PLXNB1: variants seen among roughly 807,000 people sequenced by gnomAD.
The protein encoded by PLXNB1 is plexin-B1.
Under a neutral mutation model 209.4 loss-of-function variants are expected in PLXNB1, and 106 were observed. That is an observed-to-expected ratio of 0.51 (90% CI 0.43 to 0.59). PLXNB1 has a LOEUF of 0.59. Ranked by LOEUF, PLXNB1 falls within the 20% of genes least tolerant of loss-of-function variation. The pLI, the probability that PLXNB1 is intolerant of heterozygous loss-of-function variation, is 0.00. For missense variants in PLXNB1, 2,357 were observed against 2,853.2 expected, an observed-to-expected ratio of 0.83 and a Z score of 3.96; for synonymous variants, 1,167 against 1,183.2, an observed-to-expected ratio of 0.99 and a Z score of 0.28.
rs2038296942 is a variant in PLXNB1, at chr3:48,418,919, G to A, written c.2953C>T (p.Gln985Ter). Reference sequence around the variant, plus strand: ...ACCCAGGCGCTCATGGTGTGCACCTGGTGCTGCTGGCAGGTGACATGGCAC... The same window carrying A: ...ACCCAGGCGCTCATGGTGTGCACCTAGTGCTGCTGGCAGGTGACATGGCAC... ...TQCHVTCQQH[Q>*]LSYEALQPEL... Residue 985 changes from glutamine to a stop codon, truncating the protein, a stop_gained and splice_region_variant, in exon 13 of 38, where the codon CAG (glutamine) becomes TAG (stop). Coordinates refer to ENST00000296440, the MANE Select transcript of PLXNB1 (RefSeq NM_001130082.3). LOFTEE classifies it high-confidence loss of function. The surrounding 1 kb of genome is among the most constrained non-coding windows in gnomAD (Gnocchi z 6.6). The A allele has an allele frequency of 6.2e-7, 1 of 1,613,988 alleles. No individual in the cohort carries two copies. The highest frequency in any genetic ancestry group is 8.5e-7 in the Non-Finnish European group (1 of 1,180,008).
Position 48,418,810 on chromosome 3 carries a change from C to A in PLXNB1, c.2955+107G>T, listed in dbSNP as rs570321607. On this transcript the variant is annotated intron_variant, in intron 13 of 37. Coordinates refer to ENST00000296440, the MANE Select transcript of PLXNB1 (RefSeq NM_001130082.3). The surrounding 1 kb of genome is among the most constrained non-coding windows in gnomAD (Gnocchi z 6.6). The stretch of plus-strand genomic sequence containing the variant: ...GTGTGGAGACTCCCTCAGGGCGACA[C>A]GGTCAGAGCGTGGCTCTGGAAAGTG... The A allele has an allele frequency of 2.1e-6, 3 of 1,404,888 alleles. No homozygotes were observed. Among genetic ancestry groups the A allele is most frequent in the Non-Finnish European group, 3.0e-6 (3 of 1,009,184 alleles). 87.0% of individuals were successfully genotyped at this position (1,404,888 alleles called of 1,614,324 possible).
chr3:48,421,949 C>T (rs1211284352), intron 6 of PLXNB1, 143 bp from the exon 7 acceptor site: 17 of 1,362,366 alleles, frequency 1.2e-5, no homozygotes, highest in Admixed American at 2.2e-5. Flanking sequence ...TGGCAGGGCA[C>T]TGATGCCCAG....
chr3:48,411,606 C>T lies in PLXNB1; in HGVS notation c.5247+257G>A, dbSNP rs1157358351. Among the ~76,000 whole-genome samples, 5 of 152,180 alleles carry T rather than the reference C, an allele frequency of 3.3e-5. No individual in the cohort carries two copies. Among genetic ancestry groups the T allele is most frequent in the Non-Finnish European group, 7.4e-5 (5 of 68,018 alleles). On this transcript the variant is annotated intron_variant, in intron 28 of 37. Coordinates refer to ENST00000296440, the MANE Select transcript of PLXNB1 (RefSeq NM_001130082.3). This position sits in a 1 kb window ranked among gnomAD's most constrained non-coding sequence, Gnocchi z 4.0. ...TGGTCTAAGGTAGGGCTGGCTTCTCCCAAACCCTGGTTGTGGCTACCCTAG... is the reference window on the plus strand; with the variant it reads ...TGGTCTAAGGTAGGGCTGGCTTCTCTCAAACCCTGGTTGTGGCTACCCTAG...
chr3:48,422,703 G>T (rs779709265), intron 4 of PLXNB1, 62 bp downstream of exon 4: 11 of 1,540,212 alleles, frequency 7.1e-6, no homozygotes, highest in Non-Finnish European at 9.7e-6. Context: ...ACCAGGCTGG[G>T]TCCCTAGCAA....
Position 48,423,816 on chromosome 3 carries a change from G to A in PLXNB1, c.796C>T (p.Leu266=), listed in dbSNP as rs1259932761. Residue 266 remains leucine, a synonymous_variant, in exon 3 of 38, where the codon CTG becomes TTG. Coordinates refer to ENST00000296440, the MANE Select transcript of PLXNB1 (RefSeq NM_001130082.3). ...CCGTAGCGGCCACCTTCGCAGGCCA[G>A]AGGCAACTCCACATAGGAGTAGTAG... ...QHYYSYVELP[L]ACEGGRYGLI... is the part of the protein sequence containing the mutation. The A allele has an allele frequency of 1.2e-6, 2 of 1,614,020 alleles. No individual in the cohort carries two copies. The highest frequency in any genetic ancestry group is 1.7e-6 in the Non-Finnish European group (2 of 1,180,006).
Position 48,406,524 on chromosome 3 carries a change from C to T in PLXNB1, c.6228+299G>A, listed in dbSNP as rs761239453. On this transcript the variant is annotated intron_variant, in intron 36 of 37. Coordinates refer to ENST00000296440, the MANE Select transcript of PLXNB1 (RefSeq NM_001130082.3). The surrounding 1 kb of genome is among the most constrained non-coding windows in gnomAD (Gnocchi z 4.4). Reference sequence around the variant, plus strand: ...AGGGAAGCACAGCAGTGGGAAGACGCATGCAGGCAGACCCAGGCAGGCCTG... The same window carrying T: ...AGGGAAGCACAGCAGTGGGAAGACGTATGCAGGCAGACCCAGGCAGGCCTG... The T allele has an allele frequency of 2.5e-5, 24 of 969,382 alleles. No homozygotes were observed. Among genetic ancestry groups the T allele is most frequent in the Non-Finnish European group, 2.9e-5 (24 of 815,522 alleles). 60.0% of individuals were successfully genotyped at this position (969,382 alleles called of 1,614,324 possible). A position where few individuals can be genotyped will look rare whatever the true frequency, so the allele number is the denominator to read the frequency against.
In PLXNB1 at chr3:48,413,785, G is replaced by A. The variant is rs1575389058; in HGVS notation, c.4420C>T (p.His1474Tyr). 4.3e-6 allele frequency: 7 copies of A among 1,613,770 alleles called. No individual in the cohort carries two copies. Among genetic ancestry groups the A allele is most frequent in the Non-Finnish European group, 5.9e-6 (7 of 1,179,932 alleles). Residue 1474 changes from histidine to tyrosine, a missense_variant, in exon 23 of 38, where the codon CAC becomes TAC. Physicochemically the swap from His to Tyr is moderately conservative, Grantham distance 83. This residue lies in a region of PLXNB1 where 743 missense variants were observed against 896.2 expected (regional missense o/e 0.83). Transcript: ENST00000296440. This position sits in a 1 kb window ranked among gnomAD's most constrained non-coding sequence, Gnocchi z 5.4. ...QMGNLRFSLG[H>Y]VQYDGESPGA... ...GGGCTCTCGCCGTCATACTGCACGT[G>A]ACCCAGGGAGAAGCGCAAGTTCCCC...
rs1186214561 is a variant in PLXNB1, at chr3:48,413,357, C to T, written c.4536-188G>A. 5 of 618,574 alleles carry T rather than the reference C, an allele frequency of 8.1e-6. No homozygotes were observed. Among genetic ancestry groups the T allele is most frequent in the Middle Eastern group, 4.2e-4 (1 of 2,384 alleles). The allele number at this position is 618,574 out of a possible 1,614,324, so 38.3% of individuals were successfully genotyped here. A position where few individuals can be genotyped will look rare whatever the true frequency, so the allele number is the denominator to read the frequency against. Reference sequence around the variant, plus strand: ...AAGCAAGTCACACACACCCATGCCCCGTCTAGCCCAGCACAGTTTAGCCTA... The same window carrying T: ...AAGCAAGTCACACACACCCATGCCCTGTCTAGCCCAGCACAGTTTAGCCTA... On this transcript the variant is annotated intron_variant, in intron 23 of 37. Transcript: ENST00000296440. The surrounding 1 kb of genome is among the most constrained non-coding windows in gnomAD (Gnocchi z 5.4).
Position 48,415,791 on chromosome 3 carries a change from C to A in PLXNB1, c.3618-32G>T. ...GGGGAGGTGGGAATGAATGCAGGGG[C>A]GCAGGCAGGGAAAACTTGGACCACT... is the stretch of plus-strand genomic sequence containing the variant. On this transcript the variant is annotated intron_variant, in intron 18 of 37. Transcript: ENST00000296440. This position sits in a 1 kb window ranked among gnomAD's most constrained non-coding sequence, Gnocchi z 5.0. The A allele has an allele frequency of 6.6e-7, 1 of 1,526,284 alleles. No individual in the cohort carries two copies. Among genetic ancestry groups the A allele is most frequent in the Non-Finnish European group, 8.8e-7 (1 of 1,130,034 alleles). 94.5% of individuals were successfully genotyped at this position (1,526,284 alleles called of 1,614,324 possible).
At chr3:48,420,445 G>A (rs1019948481) in intron 10 of PLXNB1, among the ~76,000 whole-genome samples, 188 bp from the exon 11 acceptor site, 1 of 152,158 alleles carries the variant, frequency 6.6e-6, no homozygotes, top group Non-Finnish European at 1.5e-5. Context: ...CCGAGGTGGG[G>A]CATGAAGGCC....
chr3:48,408,038 G>A (rs1380610850), intron 34 of PLXNB1, among the ~76,000 whole-genome samples: 1 of 152,136 alleles, frequency 6.6e-6, no homozygotes, highest in Non-Finnish European at 1.5e-5. Context: ...ACAGGGTCTC[G>A]CTCTGTTACC....
rs545678060 is a variant in PLXNB1 at position 48,405,606 on chromosome 3, C to G, written c.6303+118G>C. 1.4e-5 allele frequency: 11 copies of G among 771,352 alleles called. No individual in the cohort carries two copies. The highest frequency in any genetic ancestry group is 6.4e-5 in the South Asian group (4 of 62,542). The allele number at this position is 771,352 out of a possible 1,614,324, so 47.8% of individuals were successfully genotyped here. A position where few individuals can be genotyped will look rare whatever the true frequency, so the allele number is the denominator to read the frequency against. On this transcript the variant is annotated intron_variant, in intron 37 of 37. Transcript: ENST00000296440. This position sits in a 1 kb window ranked among gnomAD's most constrained non-coding sequence, Gnocchi z 5.0. ...CAAGCCACCAAGGGGCCCGGCCCCCCACTACTCTGTCCCTGGGGAAGACCA... is the reference window on the plus strand; with the variant it reads ...CAAGCCACCAAGGGGCCCGGCCCCCGACTACTCTGTCCCTGGGGAAGACCA...
chr3:48,411,789 C>T lies in PLXNB1; in HGVS notation c.5247+74G>A. ...CACATCAGAAGCTGGTGTCCAGACC[C>T]CACACACCCACACACTCTCCACCCT... is the stretch of plus-strand genomic sequence containing the variant. On this transcript the variant is annotated intron_variant, in intron 28 of 37. Coordinates refer to ENST00000296440, the MANE Select transcript of PLXNB1 (RefSeq NM_001130082.3). This position sits in a 1 kb window ranked among gnomAD's most constrained non-coding sequence, Gnocchi z 4.0. The T allele has an allele frequency of 1.3e-6, 2 of 1,530,622 alleles. No homozygotes were observed. Among genetic ancestry groups the T allele is most frequent in the South Asian group, 2.4e-5 (2 of 81,656 alleles). The allele number at this position is 1,530,622 out of a possible 1,614,324, so 94.8% of individuals were successfully genotyped here. A position where few individuals can be genotyped will look rare whatever the true frequency, so the allele number is the denominator to read the frequency against.
Position 48,413,241 on chromosome 3 carries a change from A to C in PLXNB1, c.4536-72T>G. On this transcript the variant is annotated intron_variant, in intron 23 of 37. Coordinates refer to ENST00000296440, the MANE Select transcript of PLXNB1 (RefSeq NM_001130082.3). This position sits in a 1 kb window ranked among gnomAD's most constrained non-coding sequence, Gnocchi z 5.4. ...CGCCCAGGCCTGCCTGACAATCCCC[A>C]GGCACACCCCGGCCTCATCCAGCAC... is the stretch of plus-strand genomic sequence containing the variant. 8.3e-7 allele frequency: 1 copy of C among 1,201,938 alleles called. No homozygotes were observed. The highest frequency in any genetic ancestry group is 1.2e-6 in the Non-Finnish European group (1 of 817,686). 74.5% of individuals were successfully genotyped at this position (1,201,938 alleles called of 1,614,324 possible). A position where few individuals can be genotyped will look rare whatever the true frequency, so the allele number is the denominator to read the frequency against.
Position 48,411,853 on chromosome 3 carries a change from A to G in PLXNB1, c.5247+10T>C, listed in dbSNP as rs766477144. The stretch of plus-strand genomic sequence containing the variant: ...CTCAGACTGCAGGCCACACACTTGC[A>G]CACCCTCACCAGGGGACGGTACTCC... On this transcript the variant is annotated intron_variant, in intron 28 of 37. Coordinates refer to ENST00000296440, the MANE Select transcript of PLXNB1 (RefSeq NM_001130082.3). The surrounding 1 kb of genome is among the most constrained non-coding windows in gnomAD (Gnocchi z 4.0). The G allele has an allele frequency of 6.2e-7, 1 of 1,613,310 alleles. No homozygotes were observed. The highest frequency in any genetic ancestry group is 8.5e-7 in the Non-Finnish European group (1 of 1,179,656).
intron 6 of PLXNB1, 46 bp from the exon 7 acceptor site, chr3:48,421,852 G>A: frequency 6.4e-7 from 1 of 1,574,768 alleles, no homozygotes; most frequent in Non-Finnish European, 8.7e-7. Flanking sequence ...ATGGGCCACT[G>A]GGAGTTCATA....
chr3:48,418,546 G>C lies in PLXNB1; in HGVS notation c.2956-4C>G, dbSNP rs764633965. ...GCTGCAGAGCCTCATAGCTGAGCTG[G>C]AGAAATGGGAGTGGGTTCAGAGTCA... On this transcript the variant is annotated splice_polypyrimidine_tract_variant and splice_region_variant and intron_variant, in intron 13 of 37. Transcript: ENST00000296440. The surrounding 1 kb of genome is among the most constrained non-coding windows in gnomAD (Gnocchi z 6.6). The C allele has an allele frequency of 3.2e-6, 5 of 1,586,782 alleles. No individual in the cohort carries two copies. The highest frequency in any genetic ancestry group is 4.3e-6 in the Non-Finnish European group (5 of 1,167,120).
chr3:48,406,065 T>G lies in PLXNB1; in HGVS notation c.6229-267A>C. On this transcript the variant is annotated intron_variant, in intron 36 of 37. Coordinates refer to ENST00000296440, the MANE Select transcript of PLXNB1 (RefSeq NM_001130082.3). The surrounding 1 kb of genome is among the most constrained non-coding windows in gnomAD (Gnocchi z 4.4). ...TACCTGCTTCAGCAAGGTCTGGGGT[T>G]TCCACTGAAGCCCTGCCTCTCTCAC... is the stretch of plus-strand genomic sequence containing the variant. 2.5e-6 allele frequency: 1 copy of G among 397,394 alleles called. No individual in the cohort carries two copies. The highest frequency in any genetic ancestry group is 4.7e-6 in the Non-Finnish European group (1 of 210,596). 24.6% of individuals were successfully genotyped at this position (397,394 alleles called of 1,614,324 possible).
rs1479142126 is a variant in PLXNB1 at position 48,417,524 on chromosome 3, C to T, written c.3374+387G>A. Among the ~76,000 whole-genome samples the T allele has an allele frequency of 6.6e-6, 1 of 152,198 alleles. No homozygotes were observed. Among genetic ancestry groups the T allele is most frequent in the Non-Finnish European group, 1.5e-5 (1 of 68,024 alleles). ...TACCTTCCTGAAGAGCCTGGCAGCC[C>T]AGGACAATGCCTGGGGAAGAGTGAG... On this transcript the variant is annotated intron_variant, in intron 16 of 37. Transcript: ENST00000296440. The surrounding 1 kb of genome is among the most constrained non-coding windows in gnomAD (Gnocchi z 4.4).
Sources: gnomAD v4.1 joint callset for allele counts (sites outside exome capture counted in the v4.1 genomes callset) on GRCh38, gnomAD v4.1.1 for gene constraint, gnomAD v4.1.1 regional missense constraint, Gnocchi (gnomAD v3.1) non-coding constraint, MANE v1.5 for transcripts, NCBI Gene and HGNC (gene_info 2026-07-23, HGNC 2026-07-21) for gene names.